The following TRAP1 variants were observed in gnomAD, a reference collection of about 807,000 sequenced individuals.
TRAP1 encodes heat shock protein 75 kDa, mitochondrial.
Under a neutral mutation model 89.1 loss-of-function variants are expected in TRAP1, and 102 were observed. The ratio of observed to expected loss-of-function variants is 1.15; its 90% CI spans 0.98 to 1.35. TRAP1 has a LOEUF of 1.35. Among genes scored for constraint, TRAP1 ranks in the 40% most tolerant of loss-of-function variants. The pLI is 0.00. For synonymous variants in TRAP1, 508 were observed against 388.0 expected, an observed-to-expected ratio of 1.31 and a Z score of -3.64; for missense variants, 1,256 against 945.3, an observed-to-expected ratio of 1.33 and a Z score of -4.31.
At chr16:3,686,569 C>T (rs555607472) in intron 3 of TRAP1, among the ~76,000 whole-genome samples, 8 of 152,278 alleles carry the variant, frequency 5.3e-5, no homozygotes, top group South Asian at 4.1e-4. Context: ...GTTGTGCCTC[C>T]GCCTCCCAAA....
intron 3 of TRAP1, chr16:3,687,336 G>C (rs1158712253): frequency 6.6e-6 from 1 of 152,234 alleles, no homozygotes; most frequent in African/African-American, 2.4e-5. Flanking sequence ...GACTTCCCCA[G>C]CCACATGGAG....
chr16:3,686,818 A>G (rs553176973), intron 3 of TRAP1, among the ~76,000 whole-genome samples: 10 of 152,140 alleles, frequency 6.6e-5, no homozygotes, highest in Non-Finnish European at 1.5e-4. Context: ...TAAAAATATT[A>G]AAATTAGCTG....
rs571095323 is a variant in TRAP1 at position 3,705,798 on chromosome 16, G to C, written c.88+11623C>G. Among the ~76,000 whole-genome samples, 3 of 152,040 alleles carry C rather than the reference G, an allele frequency of 2.0e-5. No homozygotes were observed. In the East Asian group the frequency reaches 5.8e-4, roughly 29 times the overall value. ...GGGTTCAAGTGATTCTCCTGCCTCAGCCTCCCGAGTAGCTGAGATTACAGG... is the reference window on the plus strand; with the variant it reads ...GGGTTCAAGTGATTCTCCTGCCTCACCCTCCCGAGTAGCTGAGATTACAGG... On this transcript the variant is annotated intron_variant, in intron 1 of 17. Transcript: ENST00000246957.
Position 3,717,489 on chromosome 16 carries a change from G to A in TRAP1, c.20C>T (p.Ala7Val), listed in dbSNP as rs768521031. Residue 7 changes from alanine (A) to valine (V), a missense_variant, in exon 1 of 18, where the codon GCG becomes GTG. Coordinates refer to ENST00000246957, the MANE Select transcript of TRAP1 (RefSeq NM_016292.3). Reference protein sequence around the residue: MARELRALLLWGRRLRP... With the variant: MARELRVLLLWGRRLRP... ...CAGGCGGCGGCCCCACAGCAGCAGC[G>A]CCCGCAGCTCGCGCGCCATGTCGTA... 8.9e-6 allele frequency: 12 copies of A among 1,343,062 alleles called. No homozygotes were observed. Among genetic ancestry groups the A allele is most frequent in the Admixed American group, 7.0e-5 (2 of 28,728 alleles). The allele number at this position is 1,343,062 out of a possible 1,614,324, so 83.2% of individuals were successfully genotyped here.
Position 3,677,504 on chromosome 16 carries a change from G to A in TRAP1, c.698C>T (p.Ser233Leu). The change falls in exon 6 of 18, where the codon TCA becomes TTA. Residue 233 changes from serine to leucine, a missense_variant. Coordinates refer to ENST00000246957, the MANE Select transcript of TRAP1 (RefSeq NM_016292.3). ...GGCGACATTCGTCACTCACCCATCT[G>A]AAAGCCACTGGTAACCCAGGCTCCC... ...APGSLGYQWL[S>L]DGSGVFEIAE... 1 of 1,614,202 alleles carries A rather than the reference G, an allele frequency of 6.2e-7. No homozygotes were observed. The highest frequency in any genetic ancestry group is 2.2e-5 in the East Asian group (1 of 44,886).
chr16:3,690,703 G>A (rs926376620), intron 2 of TRAP1, 124 bp downstream of exon 2: 1 of 1,064,472 alleles, frequency 9.4e-7, no homozygotes, highest in Non-Finnish European at 1.3e-6. Flanking sequence ...CTACAGCCAA[G>A]ACCTTCTGAT....
chr16:3,686,157 G>A, intron 3 of TRAP1, 21 bp from the exon 4 acceptor site: 2 of 1,612,134 alleles, frequency 1.2e-6, no homozygotes, highest in Non-Finnish European at 1.7e-6. Context: ...AGAAATGGGA[G>A]GCACAGACAA....
intron 11 of TRAP1, among the ~76,000 whole-genome samples, chr16:3,668,942 G>A (rs1320801877): frequency 2.0e-5 from 3 of 152,204 alleles, no homozygotes; most frequent in Non-Finnish European, 2.9e-5. Context: ...GACGCCAGGA[G>A]CTCCCTCTCC....
chr16:3,692,123 G>A (rs562617672), intron 1 of TRAP1, among the ~76,000 whole-genome samples: 42 of 152,186 alleles, frequency 2.8e-4, no homozygotes, highest in Non-Finnish European at 2.5e-4. Context: ...CAGCCACGCC[G>A]TGTCAAAGTC....
chr16:3,679,057 C>T (rs982924282), intron 5 of TRAP1, among the ~76,000 whole-genome samples: 1 of 152,088 alleles, frequency 6.6e-6, no homozygotes, highest in Non-Finnish European at 1.5e-5. Context: ...GTGACGTGCA[C>T]CTGTAGTCAC....
chr16:3,706,092 G>T (rs1253170986), intron 1 of TRAP1, among the ~76,000 whole-genome samples: 1 of 150,588 alleles, frequency 6.6e-6, no homozygotes, highest in East Asian at 1.9e-4. Flanking sequence ...TGATTCTCCT[G>T]CTGAGGCACC....
chr16:3,677,079 C>G (rs578002838), intron 6 of TRAP1: 2 of 161,800 alleles, frequency 1.2e-5, no homozygotes, highest in African/African-American at 4.9e-5. Context: ...AAAAAAAAGC[C>G]CCCAGCAGGC....
chr16:3,663,977 G>A, intron 13 of TRAP1: 1 of 360,750 alleles, frequency 2.8e-6, no homozygotes. Context: ...GCAGGAGAAT[G>A]ACCTGAACCC....
intron 2 of TRAP1, chr16:3,689,687 C>A (rs1236365929): frequency 6.6e-6 from 1 of 152,446 alleles, no homozygotes; most frequent in Non-Finnish European, 1.5e-5. Context: ...AAAAAATACA[C>A]AAAGTAGCTG....
At chr16:3,691,225 C>G (rs929391323) in intron 1 of TRAP1, 3 of 323,362 alleles carry the variant, frequency 9.3e-6, no homozygotes, top group East Asian at 5.0e-5. Context: ...AGAAGCGAAA[C>G]TGGAGGGGGT....
At chr16:3,717,239 G>T (rs1219743727) in intron 1 of TRAP1, among the ~76,000 whole-genome samples, 182 bp downstream of exon 1, 1 of 152,230 alleles carries the variant, frequency 6.6e-6, no homozygotes, top group East Asian at 1.9e-4. Context: ...CGAGGAAAAG[G>T]CAGCCAAGCT....
At chr16:3,694,765 A>G (rs930510722) in intron 1 of TRAP1, among the ~76,000 whole-genome samples, 2 of 152,178 alleles carry the variant, frequency 1.3e-5, no homozygotes, top group Non-Finnish European at 2.9e-5. Flanking sequence ...GGTATGAGCC[A>G]CTGTACCCGG....
At chr16:3,664,757 G>A (rs557579203) in intron 12 of TRAP1, 11 of 360,146 alleles carry the variant, frequency 3.1e-5, no homozygotes, top group Non-Finnish European at 4.6e-5. Flanking sequence ...AGCAGAGCCC[G>A]GCCTGGACCC....
intron 4 of TRAP1, among the ~76,000 whole-genome samples, chr16:3,682,673 G>A (rs975731877): frequency 5.3e-5 from 8 of 152,086 alleles, no homozygotes; most frequent in Non-Finnish European, 1.0e-4. Flanking sequence ...GATTACAGGC[G>A]TGAGCCACCA....
Sources: gnomAD v4.1 joint callset for allele counts (sites outside exome capture counted in the v4.1 genomes callset) on GRCh38, gnomAD v4.1.1 for gene constraint, MANE v1.5 for transcripts, NCBI Gene and HGNC (gene_info 2026-07-23, HGNC 2026-07-21) for gene names.